The following CRISP3 variants were observed in gnomAD, a reference collection of about 807,000 sequenced individuals.
The protein encoded by CRISP3 is cysteine rich secretory protein 3, also known as cysteine-rich secretory protein 3.
A neutral mutation model predicts 36.1 loss-of-function variants in CRISP3; 33 were observed. That is an observed-to-expected ratio of 0.91 (90% CI 0.69 to 1.22). The LOEUF (loss-of-function observed/expected upper bound fraction) is 1.22. CRISP3 is among the 50% of genes most tolerant of loss of function. The pLI, the probability that CRISP3 is intolerant of heterozygous loss-of-function variation, is 0.00. For synonymous variants in CRISP3, 117 were observed against 104.6 expected (o/e 1.12, Z -0.72); for missense variants, 330 against 301.2 (o/e 1.10, Z -0.71).
At position 49,744,364 on chromosome 6, in the gene CRISP3, T is replaced by G. The variant is rs1769279045; in HGVS notation, c.4A>C (p.Lys2Gln). The part of the protein sequence containing the change: M[K>Q]QILHPALETT... ...TCCAGAGCAGGATGAAGTATTTGTT[T>G]CATCTATTGACAGAAGGAAGGTGCA... The change falls in exon 1 of 8, where the codon AAA becomes CAA. Residue 2 changes from lysine to glutamine, a missense_variant. Transcript: ENST00000263045. 3.3e-6 allele frequency: 5 copies of G among 1,533,480 alleles called. No homozygotes were observed. The highest frequency in any genetic ancestry group is 4.4e-6 in the Non-Finnish European group (5 of 1,145,284). 95.0% of individuals were successfully genotyped at this position (1,533,480 alleles called of 1,614,324 possible). A position where few individuals can be genotyped will look rare whatever the true frequency, so the allele number is the denominator to read the frequency against.
intron 1 of CRISP3, among the ~76,000 whole-genome samples, chr6:49,743,769 A>G (rs1054386388): frequency 3.3e-5 from 5 of 150,896 alleles, no homozygotes; most frequent in African/African-American, 1.2e-4. Flanking sequence ...TGACTGAAAA[A>G]CTTCTAAAAG....
At chr6:49,733,348 A>G (rs1374832670) in intron 5 of CRISP3, 56 bp from the exon 6 acceptor site, 1 of 1,173,322 alleles carries the variant, frequency 8.5e-7, no homozygotes, top group South Asian at 1.4e-5. Context: ...GAAATACCAA[A>G]AAACAAATAG....
chr6:49,729,610 A>T (rs1453287435), intron 7 of CRISP3, among the ~76,000 whole-genome samples: 2 of 152,012 alleles, frequency 1.3e-5, no homozygotes. Context: ...GAGAAATGAC[A>T]CTCCCAACTA....
In CRISP3 at chr6:49,733,744, C is replaced by A. The variant is rs1768973144; in HGVS notation, c.421G>T (p.Gly141Trp). The A allele has an allele frequency of 6.2e-7, 1 of 1,613,532 alleles. No homozygotes were observed. The highest frequency in any genetic ancestry group is 1.3e-5 in the African/African-American group (1 of 74,872). The change falls in exon 5 of 8, where the codon GGG becomes TGG. Residue 141 changes from glycine to tryptophan, a missense_variant. Physicochemically the swap from Gly to Trp is radical, Grantham distance 184 (BLOSUM62 -2). Transcript: ENST00000263045. ...ACCACTGCGTTGGGAGTCTTTGGCCCTACACCAAAGTCAAAATCATTGTAC... is the reference window on the plus strand; with the variant it reads ...ACCACTGCGTTGGGAGTCTTTGGCCATACACCAAAGTCAAAATCATTGTAC... The part of the protein sequence containing the change: ...DEYNDFDFGV[G>W]PKTPNAVVGH...
At chr6:49,743,335 C>T (rs1234191885) in intron 1 of CRISP3, among the ~76,000 whole-genome samples, 4 of 152,146 alleles carry the variant, frequency 2.6e-5, no homozygotes, top group Non-Finnish European at 5.9e-5. Context: ...CCCAATTTAC[C>T]TCATAACTTA....
chr6:49,730,335 G>A (rs951420471), intron 7 of CRISP3, among the ~76,000 whole-genome samples: 4 of 151,884 alleles, frequency 2.6e-5, no homozygotes, highest in Admixed American at 1.3e-4. Context: ...CTTTAAAAAT[G>A]TATACAAAAT....
intron 3 of CRISP3, among the ~76,000 whole-genome samples, chr6:49,736,145 G>A (rs564001153): frequency 2.1e-4 from 32 of 152,044 alleles, no homozygotes; most frequent in Non-Finnish European, 3.8e-4. Context: ...GCTTTTCACC[G>A]TATGTCCAAA....
At chr6:49,742,631 C>CAAAAAAAAAAAAAAAAAAAAAGAAAAA (rs33995764) in intron 1 of CRISP3, among the ~76,000 whole-genome samples, 1 of 71,232 alleles carries the variant, frequency 1.4e-5, no homozygotes, top group Admixed American at 1.6e-4. Flanking sequence ...GACTCCATCT[C>CAAAAAAAAAAAAAAAAAAAAAGAAAAA]AAAAAAAAAA....
chr6:49,734,663 C>T (rs13196440), intron 4 of CRISP3, among the ~76,000 whole-genome samples: 1 of 151,956 alleles, frequency 6.6e-6, no homozygotes. Flanking sequence ...TTCTTTCAAT[C>T]TTCTCGTGAC....
At chr6:49,741,120 CA>C (rs1436563806) in intron 1 of CRISP3, among the ~76,000 whole-genome samples, 1 of 69,712 alleles carries the variant, frequency 1.4e-5, no homozygotes, top group African/African-American at 4.6e-5. Flanking sequence ...AAAAAACAAA[CA>C]AACAAAAAAA....
intron 2 of CRISP3, 44 bp downstream of exon 2, chr6:49,737,281 A>G: frequency 6.6e-7 from 1 of 1,526,430 alleles, no homozygotes; most frequent in Non-Finnish European, 9.1e-7. Flanking sequence ...GCCATCCCTC[A>G]TGGTTGCCTG....
rs1216336240 is a variant in CRISP3, at chr6:49,741,942, C to T, written c.37+2389G>A. On this transcript the variant is annotated intron_variant, in intron 1 of 7. Transcript: ENST00000263045. Reference sequence around the variant, plus strand: ...TATTTGTAACTTTTGTAAGAGAAGACGTAAAATTGTTATTGTTTTCAAATG... The same window carrying T: ...TATTTGTAACTTTTGTAAGAGAAGATGTAAAATTGTTATTGTTTTCAAATG... 4.7e-5 allele frequency among the ~76,000 whole-genome samples: 7 copies of T among 148,420 alleles called. No homozygotes were observed. The South Asian group carries it at 6.3e-4, about 13-fold the overall frequency.
At chr6:49,740,763 C>G (rs2127453496) in intron 1 of CRISP3, among the ~76,000 whole-genome samples, 1 of 152,186 alleles carries the variant, frequency 6.6e-6, no homozygotes, top group Middle Eastern at 3.4e-3. Flanking sequence ...AACGCTTGCT[C>G]TAGTGCTATG....
chr6:49,733,176 C>A lies in CRISP3; in HGVS notation c.560+19G>T, dbSNP rs774343413. The A allele has an allele frequency of 1.4e-6, 2 of 1,391,008 alleles. No individual in the cohort carries two copies. The highest frequency in any genetic ancestry group is 1.5e-5 in the African/African-American group (1 of 68,742). 86.2% of individuals were successfully genotyped at this position (1,391,008 alleles called of 1,614,324 possible). The stretch of plus-strand genomic sequence containing the variant: ...TGTATTTAGCATTATTGACAATAAA[C>A]GCTAAAATATATACTTACGCAGGAC... On this transcript the variant is annotated intron_variant, in intron 6 of 7. Transcript: ENST00000263045.
In CRISP3 at chr6:49,731,230, T is replaced by G; in HGVS notation, c.582A>C (p.Leu194=). ...GTGCTCCTTGTTCATAAGGGACATA[T>G]AGTCTATTAGCCCAATTACCACTGA... is the stretch of plus-strand genomic sequence containing the variant. ...YCPAGNWANR[L]YVPYEQGAPC... Residue 194 remains leucine (L), a synonymous_variant, in exon 7 of 8, where the codon CTA becomes CTC. Transcript: ENST00000263045. The G allele has an allele frequency of 6.2e-7, 1 of 1,606,994 alleles. No homozygotes were observed. The highest frequency in any genetic ancestry group is 8.5e-7 in the Non-Finnish European group (1 of 1,176,738).
intron 7 of CRISP3, 143 bp downstream of exon 7, chr6:49,731,020 C>T (rs978649256): frequency 4.6e-5 from 25 of 542,508 alleles, no homozygotes; most frequent in Middle Eastern, 5.0e-4. Context: ...CCAGCCTGGG[C>T]GACAGAGCCA....
intron 1 of CRISP3, among the ~76,000 whole-genome samples, chr6:49,742,094 T>C (rs1769220792): frequency 6.6e-6 from 1 of 151,650 alleles, no homozygotes; most frequent in South Asian, 2.1e-4. Context: ...GAAACACTTA[T>C]AACAGTTAAA....
Position 49,744,296 on chromosome 6 carries a change from AATGTTCACCTTGAAAT to A in CRISP3, c.37+19_37+34del. ...ATGTGTTGTTCACCTTGAAATAAAT[AATGTTCACCTTGAAAT>A]AAAGGAGTTATCACTTACCAGTGGT... On this transcript the variant is annotated intron_variant, in intron 1 of 7. Transcript: ENST00000263045. The A allele has an allele frequency of 7.0e-7, 1 of 1,432,456 alleles. No individual in the cohort carries two copies. The highest frequency in any genetic ancestry group is 1.7e-4 in the Middle Eastern group (1 of 5,772). The allele number at this position is 1,432,456 out of a possible 1,614,324, so 88.7% of individuals were successfully genotyped here.
chr6:49,736,675 A>G (rs769360912), intron 2 of CRISP3, among the ~76,000 whole-genome samples, 168 bp from the exon 3 acceptor site: 1 of 152,224 alleles, frequency 6.6e-6, no homozygotes, highest in Non-Finnish European at 1.5e-5. Context: ...GAAAAGTATT[A>G]GATGAAAGTT....
Sources: gnomAD v4.1 joint callset for allele counts (sites outside exome capture counted in the v4.1 genomes callset) on GRCh38, gnomAD v4.1.1 for gene constraint, MANE v1.5 for transcripts, NCBI Gene and HGNC (gene_info 2026-07-23, HGNC 2026-07-21) for gene names.